DAPK1: variants seen among roughly 807,000 people sequenced by gnomAD.
DAPK1 encodes the protein death associated protein kinase 1.
Under a neutral mutation model 144.9 loss-of-function variants are expected in DAPK1, and 56 were observed. The ratio of observed to expected loss-of-function variants is 0.39; its 90% CI spans 0.31 to 0.48. The LOEUF (loss-of-function observed/expected upper bound fraction) is 0.48, where lower values mean the gene tolerates loss of function less well. Ranked by LOEUF, DAPK1 falls within the 20% of genes least tolerant of loss-of-function variation. The pLI is 0.95. For synonymous variants in DAPK1, 690 were observed against 749.0 expected (o/e 0.92, Z 1.29); for missense variants, 1,454 against 1,875.4 (o/e 0.78, Z 4.15).
At chr9:87,509,492 C>A (rs7860256) in intron 2 of DAPK1, among the ~76,000 whole-genome samples, 33,078 of 152,032 alleles carry the variant, frequency 0.22, 3,956 homozygotes, top group East Asian at 0.43. Flanking sequence ...CCCCGAGTAG[C>A]TGGGATTACA....
chr9:87,509,830 C>G (rs777829196), intron 2 of DAPK1, among the ~76,000 whole-genome samples: 2 of 152,176 alleles, frequency 1.3e-5, no homozygotes, highest in Non-Finnish European at 2.9e-5. Context: ...GTCAGATGAT[C>G]GCGGTTTCTT....
At chr9:87,637,709 T>C (rs1271133480) in intron 3 of DAPK1, among the ~76,000 whole-genome samples, 1 of 152,216 alleles carries the variant, frequency 6.6e-6, no homozygotes, top group East Asian at 1.9e-4. Flanking sequence ...CCTCCTCTCA[T>C]TTGTGAACAC....
In DAPK1 at chr9:87,643,582, T is replaced by C. The variant is rs183541743; in HGVS notation, c.1011+114T>C. ...ACCTGAAGTTGTGGAAATGGCAAGC[T>C]TATTCTTGATCCCCTCGGAGGGGTT... On this transcript the variant is annotated intron_variant, in intron 11 of 25. Coordinates refer to ENST00000408954, the MANE Select transcript of DAPK1 (RefSeq NM_004938.4). 29 of 706,866 alleles carry C rather than the reference T, an allele frequency of 4.1e-5. No individual in the cohort carries two copies. In the African/African-American group the frequency reaches 4.8e-4, roughly 12 times the overall value. The allele number at this position is 706,866 out of a possible 1,614,324, so 43.8% of individuals were successfully genotyped here.
At chr9:87,699,830 T>A (rs1458326594) in intron 23 of DAPK1, among the ~76,000 whole-genome samples, 1 of 152,222 alleles carries the variant, frequency 6.6e-6, no homozygotes, top group Non-Finnish European at 1.5e-5. Context: ...TCACCTTTCC[T>A]GCCTCGGGAG....
chr9:87,647,457 G>C, intron 14 of DAPK1, 54 bp downstream of exon 14: 1 of 1,443,304 alleles, frequency 6.9e-7, no homozygotes, highest in African/African-American at 1.4e-5. Context: ...GGATGCATGT[G>C]AGTGTGAGTG....
At chr9:87,677,673 G>A (rs965370886) in intron 19 of DAPK1, among the ~76,000 whole-genome samples, 1 of 152,192 alleles carries the variant, frequency 6.6e-6, no homozygotes, top group Non-Finnish European at 1.5e-5. Context: ...GGCAGGAGCT[G>A]CGTTCAGGGA....
At position 87,703,067 on chromosome 9, in the gene DAPK1, C is replaced by T. The variant is rs943587975; in HGVS notation, c.2910C>T (p.Ile970=). The change falls in exon 25 of 26, where the codon ATC becomes ATT. Residue 970 remains isoleucine, a synonymous_variant. Transcript: ENST00000408954. ...TGACTCACCTGTGTGAGAAAATCATCTCCACGCTGCCTTCCTGGAGGAAGC... is the reference window on the plus strand; with the variant it reads ...TGACTCACCTGTGTGAGAAAATCATTTCCACGCTGCCTTCCTGGAGGAAGC... ...PPMTHLCEKI[I]STLPSWRKLN... The T allele has an allele frequency of 4.4e-6, 7 of 1,600,178 alleles. No homozygotes were observed. Among genetic ancestry groups the T allele is most frequent in the Non-Finnish European group, 5.1e-6 (6 of 1,167,384 alleles).
At position 87,513,097 on chromosome 9, in the gene DAPK1, C is replaced by T. The variant is rs1045192430; in HGVS notation, c.62+13958C>T. Among the ~76,000 whole-genome samples the T allele has an allele frequency of 3.9e-5, 6 of 152,274 alleles. No individual in the cohort carries two copies. In the East Asian group the frequency reaches 1.2e-3, roughly 29 times the overall value. On this transcript the variant is annotated intron_variant, in intron 2 of 25. Coordinates refer to ENST00000408954, the MANE Select transcript of DAPK1 (RefSeq NM_004938.4). ...TATAAGGTGAATTTAGGTAAAACAT[C>T]AAGAGAACTAACAAATAGACAACAA...
At chr9:87,608,664 A>T (rs919841209) in intron 3 of DAPK1, among the ~76,000 whole-genome samples, 1 of 152,218 alleles carries the variant, frequency 6.6e-6, no homozygotes. Context: ...AGGCTTTCTA[A>T]TAGTTGCATC....
intron 2 of DAPK1, among the ~76,000 whole-genome samples, chr9:87,551,883 C>T (rs11141876): frequency 0.19 from 28,988 of 152,052 alleles, 4,225 homozygotes; most frequent in African/African-American, 0.39. Context: ...CTGATAGACA[C>T]GTGAAAGTCT....
chr9:87,600,457 G>GT (rs1828476429), intron 2 of DAPK1, among the ~76,000 whole-genome samples: 1 of 152,174 alleles, frequency 6.6e-6, no homozygotes, highest in African/African-American at 2.4e-5. Flanking sequence ...GCTGGGTGTG[G>GT]TGATATGCTC....
At chr9:87,627,678 A>G (rs1435017329) in intron 3 of DAPK1, among the ~76,000 whole-genome samples, 2 of 152,108 alleles carry the variant, frequency 1.3e-5, no homozygotes, top group South Asian at 2.1e-4. Context: ...AGGAATGTCC[A>G]TCTGTTTCAG....
intron 3 of DAPK1, among the ~76,000 whole-genome samples, chr9:87,634,511 C>A: frequency 6.6e-6 from 1 of 152,344 alleles, no homozygotes; most frequent in South Asian, 2.1e-4. Context: ...AAAGCCACAG[C>A]AGGGCTGGCA....
At chr9:87,589,519 T>C (rs1054690516) in intron 2 of DAPK1, among the ~76,000 whole-genome samples, 35 of 151,508 alleles carry the variant, frequency 2.3e-4, no homozygotes, top group African/African-American at 8.2e-4. Flanking sequence ...TTGTGTCATT[T>C]GTGACACTAG....
At chr9:87,530,452 T>C (rs1825661254) in intron 2 of DAPK1, among the ~76,000 whole-genome samples, 1 of 152,200 alleles carries the variant, frequency 6.6e-6, no homozygotes, top group African/African-American at 2.4e-5. Context: ...ACAACCTCAG[T>C]GTCTCCAAGG....
intron 2 of DAPK1, among the ~76,000 whole-genome samples, chr9:87,501,245 C>T (rs527756732): frequency 3.3e-5 from 5 of 152,134 alleles, no homozygotes; most frequent in African/African-American, 7.2e-5. Flanking sequence ...CTTGGCCAGG[C>T]GAGGTGGCTC....
intron 2 of DAPK1, chr9:87,506,821 T>C (rs1824618584): frequency 6.6e-6 from 1 of 152,210 alleles, no homozygotes; most frequent in Non-Finnish European, 1.5e-5. Flanking sequence ...TTTTTAAAGG[T>C]GCAGTTAGAA....
chr9:87,557,807 G>A (rs571797204), intron 2 of DAPK1, among the ~76,000 whole-genome samples: 130 of 152,246 alleles, frequency 8.5e-4, no homozygotes, highest in African/African-American at 3.0e-3. Context: ...TCGGTGTGGT[G>A]GCATGCACCT....
At position 87,706,492 on chromosome 9, in the gene DAPK1, C is replaced by T. The variant is rs1374599230; in HGVS notation, c.3421C>T (p.Pro1141Ser). 1.1e-5 allele frequency: 18 copies of T among 1,614,020 alleles called. No homozygotes were observed. Among genetic ancestry groups the T allele is most frequent in the Non-Finnish European group, 1.4e-5 (17 of 1,179,972 alleles). The change falls in exon 26 of 26, where the codon CCA becomes TCA. Residue 1141 changes from proline to serine, a missense_variant. By Grantham distance (74) the Pro-to-Ser change is moderately conservative (BLOSUM62 -1). This residue lies in a region of DAPK1 where 1,025 missense variants were observed against 1,237.9 expected (regional missense o/e 0.83). Coordinates refer to ENST00000408954, the MANE Select transcript of DAPK1 (RefSeq NM_004938.4). The surrounding 1 kb of genome is among the most constrained non-coding windows in gnomAD (Gnocchi z 9.0). Reference sequence around the variant, plus strand: ...GCCCGTGGAACACCTCACCCCCTTCCCATGTGGCATCTTTCACAAGGTCCA... The same window carrying T: ...GCCCGTGGAACACCTCACCCCCTTCTCATGTGGCATCTTTCACAAGGTCCA... ...IVPVEHLTPFPCGIFHKVQVN... is the reference protein window; with the variant it reads ...IVPVEHLTPFSCGIFHKVQVN...
Sources: gnomAD v4.1 joint callset for allele counts (sites outside exome capture counted in the v4.1 genomes callset) on GRCh38, gnomAD v4.1.1 for gene constraint, gnomAD v4.1.1 regional missense constraint, Gnocchi (gnomAD v3.1) non-coding constraint, MANE v1.5 for transcripts, NCBI Gene and HGNC (gene_info 2026-07-23, HGNC 2026-07-21) for gene names.